Variants in GRIN1 observed in about 807,000 individuals in gnomAD.
GRIN1 encodes the protein glutamate ionotropic receptor NMDA type subunit 1.
In GRIN1, 38 loss-of-function variants were observed where a neutral mutation model predicts 103.0. The ratio of observed to expected loss-of-function variants is 0.37; its 90% CI spans 0.28 to 0.48. The LOEUF is 0.48. Among genes scored for constraint, GRIN1 ranks in the 20% least tolerant of loss-of-function variants. The pLI is 0.98. For synonymous variants in GRIN1, 544 were observed against 532.7 expected (o/e 1.02, Z -0.29); for missense variants, 577 against 1,288.9 (o/e 0.45, Z 8.46).
At position 137,162,598 on chromosome 9, in the gene GRIN1, C is replaced by T; in HGVS notation, c.1872C>T (p.Pro624=). Residue 624 remains proline, a synonymous_variant, in exon 14 of 20, where the codon CCC becomes CCT. Coordinates refer to ENST00000371561, the MANE Select transcript of GRIN1 (RefSeq NM_007327.4). ...LLNSGIGEGA[P]RSFSARILGM... ...CCCCCCGCCCGCCCACAGGCGCCCC[C>T]AGAAGCTTCTCAGCGCGCATCCTGG... The T allele has an allele frequency of 6.2e-7, 1 of 1,612,288 alleles. No individual in the cohort carries two copies. Among genetic ancestry groups the T allele is most frequent in the Non-Finnish European group, 8.5e-7 (1 of 1,179,736 alleles).
chr9:137,147,676 C>A (rs908787173), intron 3 of GRIN1, among the ~76,000 whole-genome samples: 1 of 152,246 alleles, frequency 6.6e-6, no homozygotes, highest in Non-Finnish European at 1.5e-5. Context: ...CGTGGGCACC[C>A]CAGTTAGTGA....
chr9:137,165,042 G>A (rs1234720841), intron 18 of GRIN1, 144 bp from the exon 19 acceptor site: 25 of 737,822 alleles, frequency 3.4e-5, no homozygotes, highest in South Asian at 1.7e-4. Flanking sequence ...GTCCGCTGTC[G>A]GCCCGTCTGT....
At chr9:137,167,365 C>T (rs745588966) in intron 19 of GRIN1, 46 bp from the exon 20 acceptor site, 15 of 1,446,608 alleles carry the variant, frequency 1.0e-5, no homozygotes, top group African/African-American at 9.8e-5. Flanking sequence ...GGGTCCCTGG[C>T]GGCCGGCGGG....
intron 5 of GRIN1, 25 bp from the exon 6 acceptor site, chr9:137,156,838 G>A: frequency 1.9e-6 from 3 of 1,608,314 alleles, no homozygotes; most frequent in Non-Finnish European, 2.5e-6. Flanking sequence ...GGACCCCACG[G>A]GCTCTGAGTC....
At chr9:137,162,817 G>T (rs753269453) in intron 14 of GRIN1, 29 bp from the exon 15 acceptor site, 1 of 1,610,040 alleles carries the variant, frequency 6.2e-7, no homozygotes, top group Non-Finnish European at 8.5e-7. Flanking sequence ...GGGAGCCGCC[G>T]CCGCGATCCC....
At chr9:137,153,214 C>T (rs1833010970) in intron 4 of GRIN1, among the ~76,000 whole-genome samples, 1 of 151,944 alleles carries the variant, frequency 6.6e-6, no homozygotes, top group Non-Finnish European at 1.5e-5. Flanking sequence ...ACAACACATA[C>T]ACATGTGCAC....
At chr9:137,157,362 C>G (rs1038108169) in intron 6 of GRIN1, among the ~76,000 whole-genome samples, 1 of 152,184 alleles carries the variant, frequency 6.6e-6, no homozygotes, top group Admixed American at 6.5e-5. Context: ...ACCCCCAGCA[C>G]CACCACATCT....
At chr9:137,147,759 G>C (rs1033925024) in intron 3 of GRIN1, among the ~76,000 whole-genome samples, 1 of 152,204 alleles carries the variant, frequency 6.6e-6, no homozygotes, top group African/African-American at 2.4e-5. Flanking sequence ...GACAGGCCCC[G>C]GGGGGGCTGC....
intron 18 of GRIN1, 71 bp downstream of exon 18, chr9:137,163,975 A>C (rs780548175): frequency 1.3e-6 from 2 of 1,551,646 alleles, no homozygotes; most frequent in Non-Finnish European, 8.9e-7. Context: ...CCATCCCCGA[A>C]GGCCGTGGCA....
intron 8 of GRIN1, 81 bp from the exon 9 acceptor site, chr9:137,160,975 G>A: frequency 1.3e-6 from 2 of 1,582,332 alleles, no homozygotes; most frequent in Admixed American, 3.4e-5. Flanking sequence ...GGCGCCAGGG[G>A]AGGCTGGGAG....
At chr9:137,160,791 G>T (rs918873230) in intron 8 of GRIN1, among the ~76,000 whole-genome samples, 4 of 152,210 alleles carry the variant, frequency 2.6e-5, no homozygotes, top group Non-Finnish European at 5.9e-5. Flanking sequence ...CAGCTCTCCA[G>T]GAGTCTTTTC....
intron 19 of GRIN1, among the ~76,000 whole-genome samples, chr9:137,166,392 C>T (rs887589919): frequency 6.6e-6 from 1 of 152,246 alleles, no homozygotes; most frequent in South Asian, 2.1e-4. Context: ...GCGGAGACCT[C>T]AGCCCCGTGG....
chr9:137,157,017 GA>G lies in GRIN1; in HGVS notation c.949del (p.Thr317ProfsTer9), dbSNP rs1833266409. On this transcript the variant is annotated frameshift_variant, in exon 6 of 20. Transcript: ENST00000371561. LOFTEE classifies it high-confidence loss of function. ...GCGTGGGCAACACCAACATCTGGAAGACCGGGCCGCTCTTCAAGAGGTGGGC... is the reference window on the plus strand; with the variant it reads ...GCGTGGGCAACACCAACATCTGGAAGCCGGGCCGCTCTTCAAGAGGTGGGC... The part of the protein sequence containing the change: ...GCVGNTNIWK[T>X]GPLFKRVLMS... 6.2e-7 allele frequency: 1 copy of G among 1,605,984 alleles called. No individual in the cohort carries two copies. Among genetic ancestry groups the G allele is most frequent in the Non-Finnish European group, 8.5e-7 (1 of 1,176,570 alleles).
At chr9:137,161,645 T>TCGGAGTGGGTGGGTCA (rs1833552546) in intron 10 of GRIN1, among the ~76,000 whole-genome samples, 1 of 55,502 alleles carries the variant, frequency 1.8e-5, no homozygotes, top group Non-Finnish European at 3.2e-5. Flanking sequence ...GACGTGGGGG[T>TCGGAGTGGGTGGGTCA]CGGAGTGGGT....
In GRIN1 at chr9:137,139,857, C is replaced by A; in HGVS notation, c.258+113C>A. 1 of 850,754 alleles carries A rather than the reference C, an allele frequency of 1.2e-6. No homozygotes were observed. Among genetic ancestry groups the A allele is most frequent in the Non-Finnish European group, 1.9e-6 (1 of 514,184 alleles). 52.7% of individuals were successfully genotyped at this position (850,754 alleles called of 1,614,324 possible). On this transcript the variant is annotated intron_variant, in intron 1 of 19. Transcript: ENST00000371561. The surrounding 1 kb of genome is among the most constrained non-coding windows in gnomAD (Gnocchi z 7.7). ...CCCTTCCTCCCTGTAAGACACCACC[C>A]CAGAGTCAGCTGGCTGCTTCCGGGA...
Position 137,168,290 on chromosome 9 carries a change from G to C in GRIN1, c.*763G>C, listed in dbSNP as rs888711482. On this transcript the variant is annotated 3_prime_UTR_variant, in exon 20 of 20. Transcript: ENST00000371561. ...CTGAGCTCCACCCTCCCCTCTTCTT[G>C]CGGCACCGCCCACCCACACCCCGTC... The C allele has an allele frequency of 4.5e-6, 1 of 220,136 alleles. No individual in the cohort carries two copies. The highest frequency in any genetic ancestry group is 8.9e-6 in the Non-Finnish European group (1 of 111,880). The allele number at this position is 220,136 out of a possible 1,614,324, so 13.6% of individuals were successfully genotyped here.
At chr9:137,144,350 T>G (rs28482213) in intron 2 of GRIN1, among the ~76,000 whole-genome samples, 46,691 of 145,138 alleles carry the variant, frequency 0.32, 7,483 homozygotes, top group Middle Eastern at 0.4. Context: ...GGGGTCCCAG[T>G]GTCTAGAAAG....
chr9:137,149,089 G>T lies in GRIN1; in HGVS notation c.651G>T (p.Arg217=). The T allele has an allele frequency of 6.2e-7, 1 of 1,611,284 alleles. No homozygotes were observed. Among genetic ancestry groups the T allele is most frequent in the Middle Eastern group, 1.6e-4 (1 of 6,062 alleles). ...LLMEAKELEA[R]VIILSASEDD... Reference sequence around the variant, plus strand: ...TGGAGGCGAAAGAGCTGGAGGCCCGGGTCATCATCCTTTCTGCCAGGTGAG... The same window carrying T: ...TGGAGGCGAAAGAGCTGGAGGCCCGTGTCATCATCCTTTCTGCCAGGTGAG... Residue 217 remains arginine, a synonymous_variant, in exon 4 of 20, where the codon CGG becomes CGT. Coordinates refer to ENST00000371561, the MANE Select transcript of GRIN1 (RefSeq NM_007327.4).
intron 8 of GRIN1, among the ~76,000 whole-genome samples, chr9:137,159,185 C>T (rs1439962315): frequency 6.6e-6 from 1 of 152,120 alleles, no homozygotes; most frequent in Non-Finnish European, 1.5e-5. Flanking sequence ...CTGCCCTCGC[C>T]GGCTTCCTCC....
Sources: gnomAD v4.1 joint callset for allele counts (sites outside exome capture counted in the v4.1 genomes callset) on GRCh38, gnomAD v4.1.1 for gene constraint, Gnocchi (gnomAD v3.1) non-coding constraint, MANE v1.5 for transcripts, NCBI Gene and HGNC (gene_info 2026-07-23, HGNC 2026-07-21) for gene names.